The following GPRASP2 variants were observed in gnomAD, a reference collection of about 807,000 sequenced individuals.
GPRASP2 encodes the protein G protein-coupled receptor associated sorting protein 2.
A neutral mutation model predicts 36.0 loss-of-function variants in GPRASP2; 10 were observed. That is an observed-to-expected ratio of 0.28 (90% CI 0.17 to 0.47). The LOEUF is 0.47. Ranked by LOEUF, GPRASP2 falls within the 20% of genes least tolerant of loss-of-function variation. GPRASP2 has a pLI of 0.99. For missense variants in GPRASP2, 538 were observed against 626.7 expected, an observed-to-expected ratio of 0.86 and a Z score of 1.51; for synonymous variants, 219 against 230.5, an observed-to-expected ratio of 0.95 and a Z score of 0.45.
rs372960770 is a variant in GPRASP2, at chrX:102,715,319, C to T, written c.450C>T (p.Ala150=). Residue 150 remains alanine, a synonymous_variant, in exon 5 of 5, where the codon GCC becomes GCT. Transcript: ENST00000483720. Reference sequence around the variant, plus strand: ...CAGAAGGAGTGTCCCAGACTAATGCCGTTGCTTGGCCACTGGCCACTGCTG... The same window carrying T: ...CAGAAGGAGTGTCCCAGACTAATGCTGTTGCTTGGCCACTGGCCACTGCTG... ...SQAEGVSQTN[A]VAWPLATAES... 19 of 1,211,419 alleles carry T rather than the reference C, an allele frequency of 1.6e-5. No homozygotes were observed. The highest frequency in any genetic ancestry group is 3.0e-5 in the East Asian group (1 of 33,785).
At position 102,715,227 on chromosome X, in the gene GPRASP2, G is replaced by T; in HGVS notation, c.358G>T (p.Ala120Ser). 8.2e-7 allele frequency: 1 copy of T among 1,212,764 alleles called. No individual in the cohort carries two copies. The highest frequency in any genetic ancestry group is 1.1e-6 in the Non-Finnish European group (1 of 895,742). Residue 120 changes from alanine (A) to serine (S), a missense_variant, in exon 5 of 5, where the codon GCA becomes TCA. Physicochemically the swap from Ala to Ser is moderately conservative, Grantham distance 99 (BLOSUM62 1). Transcript: ENST00000483720. ...AACTGATGCCAAGGCAATCCCTGGA[G>T]CAAGGCCCAAGGATGAGGCCCAGGC... ...SKTDAKAIPG[A>S]RPKDEAQAWA...
chrX:102,716,940 G>A lies in GPRASP2; in HGVS notation c.2071G>A (p.Val691Met), dbSNP rs1049269148. The change falls in exon 5 of 5, where the codon GTG becomes ATG. Residue 691 changes from valine (V) to methionine (M), a missense_variant. Around this residue, in one of 2 missense-constraint regions of GPRASP2, gnomAD observed 262 missense variants for 351.7 expected, o/e 0.74. Transcript: ENST00000483720. ...QVCEETLAHS[V>M]DSLEQLTGIR... ...GTGTGAGGAAACCCTTGCACATAGTGTGGATTCCCTTGAGCAGCTGACTGG... is the reference window on the plus strand; with the variant it reads ...GTGTGAGGAAACCCTTGCACATAGTATGGATTCCCTTGAGCAGCTGACTGG... The A allele has an allele frequency of 5.8e-6, 7 of 1,204,404 alleles. No homozygotes were observed. Among genetic ancestry groups the A allele is most frequent in the Non-Finnish European group, 6.7e-6 (6 of 891,607 alleles).
rs758187523 is a variant in GPRASP2 at position 102,717,097 on chromosome X, T to C, written c.2228T>C (p.Leu743Ser). 11 of 1,202,169 alleles carry C rather than the reference T, an allele frequency of 9.2e-6. No individual in the cohort carries two copies. In the East Asian group the frequency reaches 3.3e-4, roughly 36 times the overall value. ...AAGTTTCACGTTCTGAAAATGCTAT[T>C]GAATTTGTCTGAAAATCCTGCTGTG... is the stretch of plus-strand genomic sequence containing the variant. The part of the protein sequence containing the change: ...RTKFHVLKML[L>S]NLSENPAVAK... Residue 743 changes from leucine (L) to serine (S), a missense_variant, in exon 5 of 5, where the codon TTG becomes TCG. By Grantham distance (145) the Leu-to-Ser change is moderately radical. Transcript: ENST00000483720.
In GPRASP2 at chrX:102,714,624, T is replaced by C; in HGVS notation, c.-246T>C. The C allele has an allele frequency of 2.1e-6, 1 of 466,988 alleles. No homozygotes were observed. The highest frequency in any genetic ancestry group is 3.4e-6 in the Non-Finnish European group (1 of 295,375). The allele number at this position is 466,988 out of a possible 1,213,427, so 38.5% of individuals were successfully genotyped here. A position where few individuals can be genotyped will look rare whatever the true frequency, so the allele number is the denominator to read the frequency against. On this transcript the variant is annotated 5_prime_UTR_variant, in exon 5 of 5. Transcript: ENST00000483720. ...TCTGCACCCATCCAGGAAATATCTG[T>C]CTTCCTTTAGCTTGGTTGTACCTGT... is the stretch of plus-strand genomic sequence containing the variant.
At position 102,715,472 on chromosome X, in the gene GPRASP2, G is replaced by A; in HGVS notation, c.603G>A (p.Glu201=). The A allele has an allele frequency of 8.2e-7, 1 of 1,212,168 alleles. No individual in the cohort carries two copies. Among genetic ancestry groups the A allele is most frequent in the Non-Finnish European group, 1.1e-6 (1 of 895,608 alleles). Residue 201 remains glutamate, a synonymous_variant, in exon 5 of 5, where the codon GAG becomes GAA. Transcript: ENST00000483720. ...AGCCCTGGTTTGGACCAGGGGAGGA[G>A]ACTAATATGGGGTCTTGGTGCTATT... is the stretch of plus-strand genomic sequence containing the variant. ...GIQPWFGPGE[E]TNMGSWCYSR...
chrX:102,714,200 G>C lies in GPRASP2; in HGVS notation c.-400G>C, dbSNP rs1421709538. 8.9e-6 allele frequency: 1 copy of C among 112,092 alleles called. No homozygotes were observed. The highest frequency in any genetic ancestry group is 2.8e-4 in the East Asian group (1 of 3,545). 9.2% of individuals were successfully genotyped at this position (112,092 alleles called of 1,213,427 possible). ...TCACTTGTCTGTAGGACCCCCTTCTGTCAGCTGTGGGGCTTGACACCACTT... is the reference window on the plus strand; with the variant it reads ...TCACTTGTCTGTAGGACCCCCTTCTCTCAGCTGTGGGGCTTGACACCACTT... On this transcript the variant is annotated 5_prime_UTR_variant, in exon 4 of 5. Transcript: ENST00000483720.
chrX:102,714,732 C>T lies in GPRASP2; in HGVS notation c.-138C>T. 3.0e-6 allele frequency: 3 copies of T among 1,007,770 alleles called. No homozygotes were observed. Among genetic ancestry groups the T allele is most frequent in the Admixed American group, 3.5e-5 (1 of 28,488 alleles). The allele number at this position is 1,007,770 out of a possible 1,213,427, so 83.1% of individuals were successfully genotyped here. ...GAGTGACTACTGGACTGGATATTGA[C>T]TCTAACTCTTATTCCCAAGCTTATA... On this transcript the variant is annotated 5_prime_UTR_variant, in exon 5 of 5. Transcript: ENST00000483720.
rs1243043997 is a variant in GPRASP2, at chrX:102,715,654, A to G, written c.785A>G (p.His262Arg). 1.7e-6 allele frequency: 2 copies of G among 1,209,604 alleles called. No homozygotes were observed. The highest frequency in any genetic ancestry group is 2.2e-6 in the Non-Finnish European group (2 of 895,153). Residue 262 changes from histidine to arginine, a missense_variant, in exon 5 of 5, where the codon CAT (histidine) becomes CGT (arginine). By Grantham distance (29) the His-to-Arg change is conservative (BLOSUM62 0). This residue lies in a region of GPRASP2 where 276 missense variants were observed against 275.0 expected (regional missense o/e 1.00). Transcript: ENST00000483720. ...ACCAGGTCCAGGCACAGGGCTAAAC[A>G]TCAGACTAATCCCAGGTCCAGGCCC... ...SNTRSRHRAK[H>R]QTNPRSRPRS...
rs1267269940 is a variant in GPRASP2, at chrX:102,716,288, T to C, written c.1419T>C (p.Asp473=). ...LNPCPVYKVS[D]RFRDAAEELN... ...CCTGTCCTGTGTACAAGGTCAGTGATAGGTTCAGAGATGCAGCTGAGGAGC... is the reference window on the plus strand; with the variant it reads ...CCTGTCCTGTGTACAAGGTCAGTGACAGGTTCAGAGATGCAGCTGAGGAGC... The change falls in exon 5 of 5, where the codon GAT becomes GAC. Residue 473 remains aspartate, a synonymous_variant. Coordinates refer to ENST00000483720, the MANE Select transcript of GPRASP2 (RefSeq NM_001004051.4). 1.7e-6 allele frequency: 2 copies of C among 1,211,953 alleles called. No individual in the cohort carries two copies. Among genetic ancestry groups the C allele is most frequent in the Admixed American group, 2.2e-5 (1 of 46,055 alleles).
rs1404411625 is a variant in GPRASP2 at position 102,713,827 on chromosome X, G to A, written c.-434G>A. The A allele has an allele frequency of 8.9e-6, 1 of 112,490 alleles. No individual in the cohort carries two copies. Among genetic ancestry groups the A allele is most frequent in the East Asian group, 2.8e-4 (1 of 3,566 alleles). 9.3% of individuals were successfully genotyped at this position (112,490 alleles called of 1,213,427 possible). ...ATTCTGCAAGAAAGGCAAGGAGGAG[G>A]AGACTGGCTCACAGCTCTGGAGGTT... is the stretch of plus-strand genomic sequence containing the variant. On this transcript the variant is annotated 5_prime_UTR_variant, in exon 3 of 5. Coordinates refer to ENST00000483720, the MANE Select transcript of GPRASP2 (RefSeq NM_001004051.4).
intron 4 of GPRASP2, 112 bp downstream of exon 4, chrX:102,714,378 C>G (rs1445855372): frequency 8.4e-6 from 1 of 118,840 alleles, no homozygotes; most frequent in African/African-American, 3.2e-5. Context: ...TGCCGACACA[C>G]TTTCCCACCA....
chrX:102,715,917 T>C lies in GPRASP2; in HGVS notation c.1048T>C (p.Phe350Leu). 7 of 1,211,719 alleles carry C rather than the reference T, an allele frequency of 5.8e-6. No homozygotes were observed. The highest frequency in any genetic ancestry group is 7.8e-6 in the Non-Finnish European group (7 of 895,530). ...GCCTGGAGAAGAGGCCAATAGTAGA[T>C]TCAGGCACAGAGACAAAGAAGATCC... ...VLPGEEANSR[F>L]RHRDKEDPNT... is the part of the protein sequence containing the mutation. Residue 350 changes from phenylalanine to leucine, a missense_variant, in exon 5 of 5, where the codon TTC (phenylalanine) becomes CTC (leucine). Phe to Leu is a conservative substitution (Grantham distance 22). This residue lies in a region of GPRASP2 where 276 missense variants were observed against 275.0 expected (regional missense o/e 1.00). Coordinates refer to ENST00000483720, the MANE Select transcript of GPRASP2 (RefSeq NM_001004051.4).
In GPRASP2 at chrX:102,717,424, C is replaced by T; in HGVS notation, c.*38C>T. ...CCTGCCGCTGATCAGCCTTATGTTC[C>T]CAAAGAGCCCTGAGTAGTGCTTTGG... On this transcript the variant is annotated 3_prime_UTR_variant, in exon 5 of 5. Coordinates refer to ENST00000483720, the MANE Select transcript of GPRASP2 (RefSeq NM_001004051.4). The T allele has an allele frequency of 9.7e-7, 1 of 1,032,930 alleles. No homozygotes were observed. The highest frequency in any genetic ancestry group is 1.2e-6 in the Non-Finnish European group (1 of 801,847). The allele number at this position is 1,032,930 out of a possible 1,213,427, so 85.1% of individuals were successfully genotyped here.
In GPRASP2 at chrX:102,715,970, G is replaced by A; in HGVS notation, c.1101G>A (p.Gln367=). 8.3e-7 allele frequency: 1 copy of A among 1,211,439 alleles called. No individual in the cohort carries two copies. Among genetic ancestry groups the A allele is most frequent in the Non-Finnish European group, 1.1e-6 (1 of 895,478 alleles). The change falls in exon 5 of 5, where the codon CAG becomes CAA. Residue 367 remains glutamine (Q), a synonymous_variant. Coordinates refer to ENST00000483720, the MANE Select transcript of GPRASP2 (RefSeq NM_001004051.4). ...DPNTALKLRA[Q]KDVDSDRVKQ... ...ATACTGCCTTGAAACTCAGGGCCCA[G>A]AAAGATGTTGACAGTGATAGGGTCA...
chrX:102,714,702 A>G lies in GPRASP2; in HGVS notation c.-168A>G. ...TTGACTGAGACTGTGTTTGGGAAGGAGGCTGAGTGACTACTGGACTGGATA... is the reference window on the plus strand; with the variant it reads ...TTGACTGAGACTGTGTTTGGGAAGGGGGCTGAGTGACTACTGGACTGGATA... On this transcript the variant is annotated 5_prime_UTR_variant, in exon 5 of 5. Coordinates refer to ENST00000483720, the MANE Select transcript of GPRASP2 (RefSeq NM_001004051.4). 1 of 746,705 alleles carries G rather than the reference A, an allele frequency of 1.3e-6. No homozygotes were observed. The highest frequency in any genetic ancestry group is 2.9e-5 in the South Asian group (1 of 33,916). 61.5% of individuals were successfully genotyped at this position (746,705 alleles called of 1,213,427 possible). A position where few individuals can be genotyped will look rare whatever the true frequency, so the allele number is the denominator to read the frequency against.
rs1254936687 is a variant in GPRASP2 at position 102,715,037 on chromosome X, T to C, written c.168T>C (p.Ser56=). The change falls in exon 5 of 5, where the codon TCT becomes TCC. Residue 56 remains serine (S), a synonymous_variant. Transcript: ENST00000483720. ...CAAGGCCCAAAACTGAGACCAAGTC[T>C]GTGCCTGCGGCAAGGCCCAAAACTG... The part of the protein sequence containing the change: ...TGARPKTETK[S]VPAARPKTEA... 7 of 1,211,117 alleles carry C rather than the reference T, an allele frequency of 5.8e-6. No homozygotes were observed. The highest frequency in any genetic ancestry group is 1.8e-5 in the South Asian group (1 of 56,906).
rs778941452 is a variant in GPRASP2, at chrX:102,715,695, G to A, written c.826G>A (p.Ala276Thr). The change falls in exon 5 of 5, where the codon GCC becomes ACC. Residue 276 changes from alanine to threonine, a missense_variant. Physicochemically the swap from Ala to Thr is moderately conservative, Grantham distance 58. Coordinates refer to ENST00000483720, the MANE Select transcript of GPRASP2 (RefSeq NM_001004051.4). ...PRSRPRSKQEAYVDSWSGSED... is the reference protein window; with the variant it reads ...PRSRPRSKQETYVDSWSGSED... Reference sequence around the variant, plus strand: ...GTCCAGGCCCAGATCCAAGCAAGAAGCCTATGTTGATTCCTGGTCTGGATC... The same window carrying A: ...GTCCAGGCCCAGATCCAAGCAAGAAACCTATGTTGATTCCTGGTCTGGATC... 1.7e-6 allele frequency: 2 copies of A among 1,212,080 alleles called. No individual in the cohort carries two copies. The highest frequency in any genetic ancestry group is 2.2e-6 in the Non-Finnish European group (2 of 895,635).
chrX:102,716,818 C>T lies in GPRASP2; in HGVS notation c.1949C>T (p.Pro650Leu). ...CTTATTGAAACCTTGCTTAATTATCCATCCTCTAGAGTTAGGACAAGTTTT... is the reference window on the plus strand; with the variant it reads ...CTTATTGAAACCTTGCTTAATTATCTATCCTCTAGAGTTAGGACAAGTTTT... ...VSLIETLLNY[P>L]SSRVRTSFLE... is the part of the protein sequence containing the mutation. The change falls in exon 5 of 5, where the codon CCA becomes CTA. Residue 650 changes from proline to leucine, a missense_variant. By Grantham distance (98) the Pro-to-Leu change is moderately conservative. This residue lies in a region of GPRASP2 where 262 missense variants were observed against 351.7 expected (regional missense o/e 0.74). Coordinates refer to ENST00000483720, the MANE Select transcript of GPRASP2 (RefSeq NM_001004051.4). 8.3e-7 allele frequency: 1 copy of T among 1,211,943 alleles called. No individual in the cohort carries two copies. Among genetic ancestry groups the T allele is most frequent in the Non-Finnish European group, 1.1e-6 (1 of 895,620 alleles).
At chrX:102,712,797 G>C (rs1307503850) in intron 1 of GPRASP2, among the ~76,000 whole-genome samples, 2 of 112,948 alleles carry the variant, frequency 1.8e-5, no homozygotes, top group African/African-American at 6.4e-5. Context: ...GTTTGGAGGA[G>C]AACCGCGCTG....
Sources: allele counts gnomAD v4.1 joint callset (sites outside exome capture counted in the v4.1 genomes callset), GRCh38; gene constraint gnomAD v4.1.1; regional missense constraint gnomAD v4.1.1; transcripts MANE v1.5; gene names NCBI Gene and HGNC (gene_info 2026-07-23, HGNC 2026-07-21).